Variants in SCLY observed in about 807,000 individuals in gnomAD.
SCLY encodes the protein putative selenocysteine lyase.
A neutral mutation model predicts 50.1 loss-of-function variants in SCLY; 38 were observed. The ratio of observed to expected loss-of-function variants is 0.76; its 90% CI spans 0.59 to 0.99. SCLY has a LOEUF of 0.99. Among genes scored for constraint, SCLY ranks in the 50% least tolerant of loss-of-function variants. The pLI, the probability that SCLY is intolerant of heterozygous loss-of-function variation, is 0.00. For synonymous variants in SCLY, 243 were observed against 249.4 expected, an observed-to-expected ratio of 0.97 and a Z score of 0.24; for missense variants, 600 against 620.0, an observed-to-expected ratio of 0.97 and a Z score of 0.34.
rs58556138 is a variant in SCLY, at chr2:238,098,604, T to TGGG, written c.*249_*250insGGG. 0.039 allele frequency: 16,673 copies of TGGG among 427,182 alleles called. 1,176 individuals carry two copies. Among genetic ancestry groups the TGGG allele is most frequent in the Non-Finnish European group, 0.046 (11,195 of 242,776 alleles). The allele number at this position is 427,182 out of a possible 1,614,324, so 26.5% of individuals were successfully genotyped here. A position where few individuals can be genotyped will look rare whatever the true frequency, so the allele number is the denominator to read the frequency against. ...GACCGCCCACATAGGACCGCCCACA[T>TGGG]AGGACCGCCCACATGGGACCGCCCA... On this transcript the variant is annotated 3_prime_UTR_variant, in exon 12 of 12. Coordinates refer to ENST00000254663, the MANE Select transcript of SCLY (RefSeq NM_016510.7).
In SCLY at chr2:238,067,956, A is replaced by T; in HGVS notation, c.203-109A>T. On this transcript the variant is annotated intron_variant, in intron 2 of 11. Coordinates refer to ENST00000254663, the MANE Select transcript of SCLY (RefSeq NM_016510.7). The surrounding 1 kb of genome is among the most constrained non-coding windows in gnomAD (Gnocchi z 4.3). ...ACATTAAGGGGCCAGGTTTTGTCTT[A>T]GAACGGCCCACGCAGACCTCTTATT... is the stretch of plus-strand genomic sequence containing the variant. The T allele has an allele frequency of 1.4e-6, 1 of 736,478 alleles. No homozygotes were observed. The highest frequency in any genetic ancestry group is 2.2e-6 in the Non-Finnish European group (1 of 448,094). 45.6% of individuals were successfully genotyped at this position (736,478 alleles called of 1,614,324 possible).
At chr2:238,082,934 T>TA in intron 6 of SCLY, 3 of 320,426 alleles carry the variant, frequency 9.4e-6, no homozygotes, top group Non-Finnish European at 1.9e-5. Flanking sequence ...TTTTTTTTTT[T>TA]AAACCTGTGA....
chr2:238,082,338 G>A, intron 6 of SCLY, 129 bp downstream of exon 6: 2 of 913,994 alleles, frequency 2.2e-6, no homozygotes, highest in Non-Finnish European at 3.3e-6. Flanking sequence ...GAGCAACGTG[G>A]GATCCTTGTC....
rs150234842 is a variant in SCLY, at chr2:238,088,360, G to T, written c.885-2858G>T. Among the ~76,000 whole-genome samples, 443 of 152,326 alleles carry T rather than the reference G, an allele frequency of 2.9e-3. 2 individuals are homozygous for T. The highest frequency in any genetic ancestry group is 0.01 in the African/African-American group (420 of 41,560). On this transcript the variant is annotated intron_variant, in intron 7 of 11. Transcript: ENST00000254663. ...GCTTGTAATCCCAGCTACTTGGAAGGCTGAGGCACAAGAATCGATTGAACC... is the reference window on the plus strand; with the variant it reads ...GCTTGTAATCCCAGCTACTTGGAAGTCTGAGGCACAAGAATCGATTGAACC...
intron 7 of SCLY, among the ~76,000 whole-genome samples, chr2:238,084,407 A>G (rs1321075584): frequency 7.3e-6 from 1 of 136,738 alleles, no homozygotes; most frequent in African/African-American, 2.6e-5. Flanking sequence ...CCTGGCCGAG[A>G]TGGTAAAACC....
intron 4 of SCLY, among the ~76,000 whole-genome samples, chr2:238,072,616 C>T (rs2065138629): frequency 6.6e-6 from 1 of 152,190 alleles, no homozygotes; most frequent in South Asian, 2.1e-4. Flanking sequence ...TTTTGATTTA[C>T]AATTCCCTGA....
Position 238,082,050 on chromosome 2 carries a change from C to G in SCLY, c.618C>G (p.Val206=). 1.2e-6 allele frequency: 2 copies of G among 1,612,924 alleles called. No homozygotes were observed. Among genetic ancestry groups the G allele is most frequent in the Non-Finnish European group, 1.7e-6 (2 of 1,179,012 alleles). ...CTGTTTCCTTTCCCCGTCAGCCTGT[C>G]CCTGAAATCAGTCAGCGCATTAAAG... ...ANNETGIVMP[V]PEISQRIKAL... is the part of the protein sequence containing the mutation. Residue 206 remains valine, a synonymous_variant, in exon 6 of 12, where the codon GTC becomes GTG. Transcript: ENST00000254663.
In SCLY at chr2:238,066,813, GT is replaced by G. The variant is rs1166532410; in HGVS notation, c.203-1249del. The stretch of plus-strand genomic sequence containing the variant: ...ACTGGGTAATTTATAAAGGAAAGAG[GT>G]TTAATTGACTCACAGTTTCCCATGG... On this transcript the variant is annotated intron_variant, in intron 2 of 11. Coordinates refer to ENST00000254663, the MANE Select transcript of SCLY (RefSeq NM_016510.7). This position sits in a 1 kb window ranked among gnomAD's most constrained non-coding sequence, Gnocchi z 4.1. 6.6e-6 allele frequency among the ~76,000 whole-genome samples: 1 copy of G among 152,184 alleles called. No individual in the cohort carries two copies. Among genetic ancestry groups the G allele is most frequent in the Non-Finnish European group, 1.5e-5 (1 of 68,040 alleles).
In SCLY at chr2:238,081,771, G is replaced by A. The variant is rs1286543059; in HGVS notation, c.547G>A (p.Ala183Thr). 3 of 1,614,072 alleles carry A rather than the reference G, an allele frequency of 1.9e-6. No homozygotes were observed. The change falls in exon 5 of 12, where the codon GCA (alanine) becomes ACA (threonine). Residue 183 changes from alanine (A) to threonine (T), a missense_variant. Transcript: ENST00000254663. ...GGCAGAGGTGGACGACATCCTCGCGGCAGTCCGCCCGACCACACGCCTCGT... is the reference window on the plus strand; with the variant it reads ...GGCAGAGGTGGACGACATCCTCGCGACAGTCCGCCCGACCACACGCCTCGT... Reference protein sequence around the residue: ...GQAEVDDILAAVRPTTRLVTI... With the variant: ...GQAEVDDILATVRPTTRLVTI...
rs1357592807 is a variant in SCLY, at chr2:238,066,756, G to A, written c.203-1309G>A. ...TGCCATTTCCTGAGTGTATTAGTCT[G>A]TTCTCATGCTGCTAATGAAGATGTA... On this transcript the variant is annotated intron_variant, in intron 2 of 11. Coordinates refer to ENST00000254663, the MANE Select transcript of SCLY (RefSeq NM_016510.7). This position sits in a 1 kb window ranked among gnomAD's most constrained non-coding sequence, Gnocchi z 4.1. Among the ~76,000 whole-genome samples, 2 of 152,188 alleles carry A rather than the reference G, an allele frequency of 1.3e-5. No homozygotes were observed. The highest frequency in any genetic ancestry group is 3.2e-3 in the Middle Eastern group (1 of 316).
chr2:238,097,509 G>T (rs74542481), intron 11 of SCLY, among the ~76,000 whole-genome samples: 2,384 of 152,222 alleles, frequency 0.016, 62 homozygotes, highest in African/African-American at 0.055. Flanking sequence ...CGGAACTGTA[G>T]CCAGCAGCAC....
intron 6 of SCLY, among the ~76,000 whole-genome samples, chr2:238,082,454 C>T (rs1479950059): frequency 3.3e-5 from 5 of 152,038 alleles, no homozygotes; most frequent in East Asian, 3.9e-4. Flanking sequence ...AGGGTGGGGG[C>T]GGTAGACCAA....
intron 10 of SCLY, among the ~76,000 whole-genome samples, chr2:238,095,047 CA>C (rs1481016826): frequency 6.6e-6 from 1 of 151,914 alleles, no homozygotes; most frequent in Non-Finnish European, 1.5e-5. Context: ...CCAAAAACTA[CA>C]AAAAATTAGC....
chr2:238,095,005 A>G (rs1356228790), intron 10 of SCLY, among the ~76,000 whole-genome samples: 6 of 152,156 alleles, frequency 3.9e-5, no homozygotes, highest in Non-Finnish European at 8.8e-5. Context: ...GATTGAGTCC[A>G]GCCTGGCCAA....
chr2:238,063,664 A>G (rs187722129), intron 1 of SCLY, among the ~76,000 whole-genome samples: 1 of 152,348 alleles, frequency 6.6e-6, no homozygotes, highest in South Asian at 2.1e-4. Context: ...CTGGGGCCAA[A>G]GTTCACCTGC....
chr2:238,081,916 C>G (rs2065241756), intron 5 of SCLY, 80 bp downstream of exon 5: 1 of 1,579,798 alleles, frequency 6.3e-7, no homozygotes, highest in African/African-American at 1.3e-5. Flanking sequence ...TCAGGTTTCC[C>G]AGCTCTGGCC....
chr2:238,092,461 C>G (rs1227485095), intron 8 of SCLY: 1 of 152,266 alleles, frequency 6.6e-6, no homozygotes, highest in Non-Finnish European at 1.5e-5. Context: ...CGTCCACAGG[C>G]TTTGAAATAC....
In SCLY at chr2:238,081,843, CG is replaced by C; in HGVS notation, c.612+9del. The C allele has an allele frequency of 6.2e-7, 1 of 1,612,648 alleles. No individual in the cohort carries two copies. The highest frequency in any genetic ancestry group is 8.5e-7 in the Non-Finnish European group (1 of 1,179,206). On this transcript the variant is annotated splice_region_variant and intron_variant, in intron 5 of 11. Transcript: ENST00000254663. Reference sequence around the variant, plus strand: ...TGAGACTGGCATTGTCATGGTGAGTCGGCCTTTGTTTCTCTTTAAGGAGAGC... The same window carrying C: ...TGAGACTGGCATTGTCATGGTGAGTCGCCTTTGTTTCTCTTTAAGGAGAGC...
At chr2:238,091,550 CAT>C in intron 8 of SCLY, 3 of 408,626 alleles carry the variant, frequency 7.3e-6, no homozygotes, top group Non-Finnish European at 4.6e-6. Context: ...GCAGGTTCAC[CAT>C]TCCCAAAGGC....
Sources: gnomAD v4.1 joint callset for allele counts (sites outside exome capture counted in the v4.1 genomes callset) on GRCh38, gnomAD v4.1.1 for gene constraint, Gnocchi (gnomAD v3.1) non-coding constraint, MANE v1.5 for transcripts, NCBI Gene and HGNC (gene_info 2026-07-23, HGNC 2026-07-21) for gene names.